PTPRD: variants seen among roughly 807,000 people sequenced by gnomAD.
PTPRD encodes the protein protein tyrosine phosphatase receptor type D.
Under a neutral mutation model 214.5 loss-of-function variants are expected in PTPRD, and 34 were observed. The ratio of observed to expected loss-of-function variants is 0.16; its 90% CI spans 0.12 to 0.21. The LOEUF (loss-of-function observed/expected upper bound fraction) is 0.21. PTPRD is among the 10% of genes least tolerant of loss of function. PTPRD has a pLI of 1.00. For missense variants in PTPRD, 2,545 were observed against 2,398.7 expected, an observed-to-expected ratio of 1.06 and a Z score of -1.27; for synonymous variants, 1,128 against 845.7, an observed-to-expected ratio of 1.33 and a Z score of -5.79.
chr9:8,784,367 G>C (rs1262883431), intron 11 of PTPRD, among the ~76,000 whole-genome samples: 3 of 152,032 alleles, frequency 2.0e-5, no homozygotes, highest in African/African-American at 7.2e-5. Context: ...GTGTGTTCTT[G>C]TCTGTCAATC....
intron 2 of PTPRD, among the ~76,000 whole-genome samples, chr9:10,345,115 T>C (rs769363892): frequency 9.9e-5 from 15 of 152,238 alleles, no homozygotes; most frequent in Non-Finnish European, 1.5e-4. Context: ...TCACCCACCA[T>C]TGCATCTGAT....
At chr9:10,468,979 G>T (rs1036631194) in intron 2 of PTPRD, among the ~76,000 whole-genome samples, 4 of 152,036 alleles carry the variant, frequency 2.6e-5, no homozygotes, top group African/African-American at 9.7e-5. Flanking sequence ...TAGAAAAAAA[G>T]TTATCCAGAA....
chr9:8,580,699 A>C (rs2092981260), intron 14 of PTPRD, among the ~76,000 whole-genome samples: 3 of 152,226 alleles, frequency 2.0e-5, no homozygotes, highest in Admixed American at 2.0e-4. Context: ...AATTGGTGGT[A>C]GGACCATTTG....
chr9:10,546,493 A>AT (rs3076466), intron 2 of PTPRD, among the ~76,000 whole-genome samples: 11 of 151,422 alleles, frequency 7.3e-5, no homozygotes, highest in South Asian at 2.1e-4. Context: ...AAGTAGGGGA[A>AT]TTTTTTTTTT....
intron 9 of PTPRD, among the ~76,000 whole-genome samples, chr9:9,266,234 G>A (rs1569566112): frequency 1.3e-5 from 2 of 151,358 alleles, no homozygotes; most frequent in East Asian, 2.0e-4. Flanking sequence ...TACACACCCA[G>A]TATTAAAGTA....
At chr9:9,860,590 A>C (rs1421579621) in intron 5 of PTPRD, among the ~76,000 whole-genome samples, 1 of 152,234 alleles carries the variant, frequency 6.6e-6, no homozygotes, top group Admixed American at 6.5e-5. Context: ...AGCTTGCAAG[A>C]ATACCAGTCT....
chr9:9,954,475 G>C (rs938664137), intron 4 of PTPRD, among the ~76,000 whole-genome samples: 1 of 151,748 alleles, frequency 6.6e-6, no homozygotes, highest in Non-Finnish European at 1.5e-5. Context: ...CTTCTTGTAA[G>C]AGAACTATTA....
chr9:9,436,849 CT>C (rs2085457846), intron 8 of PTPRD, among the ~76,000 whole-genome samples: 1 of 151,470 alleles, frequency 6.6e-6, no homozygotes, highest in African/African-American at 2.4e-5. Context: ...CTGGTGTTAT[CT>C]GTCTCTTTTT....
chr9:10,110,391 G>A (rs2098680038), intron 3 of PTPRD, among the ~76,000 whole-genome samples: 1 of 152,196 alleles, frequency 6.6e-6, no homozygotes, highest in Admixed American at 6.5e-5. Flanking sequence ...AAGAAGCAGT[G>A]TCACAGTGCT....
chr9:9,923,352 G>A (rs1006241654), intron 5 of PTPRD, among the ~76,000 whole-genome samples: 7 of 150,414 alleles, frequency 4.7e-5, no homozygotes, highest in South Asian at 2.1e-4. Flanking sequence ...GATGGAAAAC[G>A]ACAAAAGACA....
intron 11 of PTPRD, among the ~76,000 whole-genome samples, chr9:8,803,873 A>G (rs1352645466): frequency 6.6e-6 from 1 of 152,152 alleles, no homozygotes; most frequent in Non-Finnish European, 1.5e-5. Flanking sequence ...TTGGTAAACA[A>G]TATTCCAAAA....
intron 8 of PTPRD, among the ~76,000 whole-genome samples, chr9:9,431,900 T>C (rs1461154016): frequency 1.1e-5 from 1 of 90,100 alleles, no homozygotes; most frequent in Non-Finnish European, 2.0e-5. Context: ...CCGCGGCCTG[T>C]TGTGGGGTGG....
chr9:9,990,127 G>A (rs1329526739), intron 4 of PTPRD, among the ~76,000 whole-genome samples: 1 of 152,182 alleles, frequency 6.6e-6, no homozygotes, highest in Non-Finnish European at 1.5e-5. Flanking sequence ...TTCTATGGAT[G>A]AAAGGAATGT....
In PTPRD at chr9:9,307,454, C is replaced by T. The variant is rs150078381; in HGVS notation, c.-203+89995G>A. Among the ~76,000 whole-genome samples, 1,198 of 152,270 alleles carry T rather than the reference C, an allele frequency of 7.9e-3. 65 individuals carry two copies. The highest frequency in any genetic ancestry group is 0.074 in the Admixed American group (1,125 of 15,280). ...TTCCTGCACCATCTTTACTCATAAGCTTAAGGGTACGATTGCTAAGATAGA... is the reference window on the plus strand; with the variant it reads ...TTCCTGCACCATCTTTACTCATAAGTTTAAGGGTACGATTGCTAAGATAGA... On this transcript the variant is annotated intron_variant, in intron 9 of 45. Coordinates refer to ENST00000381196, the MANE Select transcript of PTPRD (RefSeq NM_002839.4).
chr9:9,014,860 A>G (rs1421795149), intron 11 of PTPRD, among the ~76,000 whole-genome samples: 2 of 152,162 alleles, frequency 1.3e-5, no homozygotes, highest in Non-Finnish European at 2.9e-5. Flanking sequence ...CTTTTTCAAC[A>G]TTATTTATTC....
intron 2 of PTPRD, among the ~76,000 whole-genome samples, chr9:10,543,092 T>A (rs1048960961): frequency 6.6e-6 from 1 of 151,746 alleles, no homozygotes; most frequent in Non-Finnish European, 1.5e-5. Context: ...TCCACGTTGG[T>A]CGCACTGGTC....
chr9:10,188,229 A>G (rs2099346823), intron 3 of PTPRD, among the ~76,000 whole-genome samples: 1 of 152,154 alleles, frequency 6.6e-6, no homozygotes, highest in Non-Finnish European at 1.5e-5. Flanking sequence ...CAGTAAGTCA[A>G]ATATCCTAGA....
At chr9:8,353,740 G>T (rs2076136665) in intron 39 of PTPRD, among the ~76,000 whole-genome samples, 1 of 151,440 alleles carries the variant, frequency 6.6e-6, no homozygotes, top group African/African-American at 2.4e-5. Flanking sequence ...AGCCAGTACT[G>T]CCCATTGCCT....
intron 39 of PTPRD, among the ~76,000 whole-genome samples, chr9:8,365,398 C>G (rs2079568466): frequency 6.6e-6 from 1 of 152,158 alleles, no homozygotes; most frequent in Non-Finnish European, 1.5e-5. Context: ...AATCAGGTAG[C>G]AGTTATGAAA....
Sources: allele counts gnomAD v4.1 joint callset (sites outside exome capture counted in the v4.1 genomes callset), GRCh38; gene constraint gnomAD v4.1.1; transcripts MANE v1.5; gene names NCBI Gene and HGNC (gene_info 2026-07-23, HGNC 2026-07-21).